The following ADK variants were observed in gnomAD, a reference collection of about 807,000 sequenced individuals.
ADK encodes N6,N6-dimethyladenosine kinase.
Under a neutral mutation model 44.7 loss-of-function variants are expected in ADK, and 24 were observed. That is an observed-to-expected ratio of 0.54 (90% CI 0.39 to 0.76). The LOEUF is 0.76. Ranked by LOEUF, ADK falls within the 30% of genes least tolerant of loss-of-function variation. The pLI is 0.00. For synonymous variants in ADK, 128 were observed against 142.6 expected (o/e 0.90, Z 0.73); for missense variants, 321 against 425.1 (o/e 0.76, Z 2.15).
chr10:74,646,265 G>A (rs1338140860), intron 9 of ADK, among the ~76,000 whole-genome samples: 1 of 152,130 alleles, frequency 6.6e-6, no homozygotes, highest in Non-Finnish European at 1.5e-5. Flanking sequence ...GTAGGAGAAT[G>A]GCAAGTTATG....
chr10:74,630,131 A>G (rs184345574), intron 9 of ADK, among the ~76,000 whole-genome samples: 11 of 152,148 alleles, frequency 7.2e-5, no homozygotes, highest in South Asian at 6.2e-4. Context: ...GATATTTTCC[A>G]TATATCCTTC....
intron 10 of ADK, among the ~76,000 whole-genome samples, chr10:74,691,790 GTAAA>G (rs994441018): frequency 1.3e-5 from 2 of 152,112 alleles, no homozygotes; most frequent in African/African-American, 2.4e-5. Context: ...TTTCTTTTAA[GTAAA>G]TACTAAGAAT....
chr10:74,479,799 A>G (rs1227165660), intron 6 of ADK, among the ~76,000 whole-genome samples: 1 of 152,052 alleles, frequency 6.6e-6, no homozygotes, highest in Non-Finnish European at 1.5e-5. Flanking sequence ...CTCACCTATT[A>G]TCTATACAAC....
Position 74,594,762 on chromosome 10 carries a change from A to G in ADK, c.762+5445A>G, listed in dbSNP as rs115875718. 5.3e-3 allele frequency among the ~76,000 whole-genome samples: 806 copies of G among 152,318 alleles called. 6 individuals are homozygous for G. The highest frequency in any genetic ancestry group is 0.018 in the African/African-American group (751 of 41,568). ...ACAATAAAACCATATTTCTACATTT[A>G]TAAAATGCTCACAGTTTATAAAACC... On this transcript the variant is annotated intron_variant, in intron 8 of 10. Transcript: ENST00000539909.
At chr10:74,315,308 T>C (rs1415910361) in intron 4 of ADK, among the ~76,000 whole-genome samples, 1 of 152,198 alleles carries the variant, frequency 6.6e-6, no homozygotes, top group Non-Finnish European at 1.5e-5. Flanking sequence ...CCTAAATATC[T>C]ATGTATAGAC....
At chr10:74,526,619 A>T (rs546548518) in intron 7 of ADK, among the ~76,000 whole-genome samples, 15 of 152,212 alleles carry the variant, frequency 9.9e-5, no homozygotes, top group Admixed American at 1.3e-4. Context: ...AGTTTACGAG[A>T]TCACCTGGGT....
chr10:74,272,324 C>A lies in ADK; in HGVS notation c.195-42343C>A, dbSNP rs114665504. On this transcript the variant is annotated intron_variant, in intron 3 of 10. Transcript: ENST00000539909. ...ACAGGGTCTCACTCTGTCATCTAGG[C>A]TGAGTGCAGTGGCATAATCATGGCT... 4.6e-3 allele frequency among the ~76,000 whole-genome samples: 704 copies of A among 151,938 alleles called. 3 individuals carry two copies. The highest frequency in any genetic ancestry group is 0.016 in the African/African-American group (655 of 41,408).
At chr10:74,454,685 T>C (rs1845882160) in intron 6 of ADK, among the ~76,000 whole-genome samples, 1 of 152,200 alleles carries the variant, frequency 6.6e-6, no homozygotes, top group Non-Finnish European at 1.5e-5. Context: ...AATTTAAGTG[T>C]AAGTTTTACA....
Position 74,505,487 on chromosome 10 carries a change from C to T in ADK, c.556-19769C>T, listed in dbSNP as rs921365257. Among the ~76,000 whole-genome samples, 13 of 150,776 alleles carry T rather than the reference C, an allele frequency of 8.6e-5. 1 individual carries two copies. The highest frequency in any genetic ancestry group is 1.2e-4 in the Non-Finnish European group (8 of 67,836). ...TTAGCTCTTGAATTACTCCAAGATC[C>T]GTATCTTGAAACTCTTCAACTTCCC... On this transcript the variant is annotated intron_variant, in intron 6 of 10. Transcript: ENST00000539909.
chr10:74,705,953 T>C (rs950926836), intron 10 of ADK, among the ~76,000 whole-genome samples: 1 of 152,260 alleles, frequency 6.6e-6, no homozygotes, highest in African/African-American at 2.4e-5. Flanking sequence ...TAAATACTTT[T>C]GCCTACTTTG....
chr10:74,237,401 T>C (rs1845010560), intron 3 of ADK, among the ~76,000 whole-genome samples: 1 of 152,190 alleles, frequency 6.6e-6, no homozygotes, highest in Non-Finnish European at 1.5e-5. Flanking sequence ...TCTAGTTCTC[T>C]TGCTATTTCT....
At chr10:74,385,737 C>T (rs550171984) in intron 4 of ADK, among the ~76,000 whole-genome samples, 3 of 152,228 alleles carry the variant, frequency 2.0e-5, no homozygotes, top group South Asian at 4.1e-4. Context: ...CACAATAATT[C>T]CACAAGAAAC....
intron 9 of ADK, among the ~76,000 whole-genome samples, chr10:74,650,042 A>T (rs891119193): frequency 1.9e-4 from 29 of 152,162 alleles, no homozygotes; most frequent in African/African-American, 5.1e-4. Context: ...TTCCCCTCAG[A>T]TCCTAGATTT....
At chr10:74,551,387 A>G (rs958491734) in intron 7 of ADK, 6 of 152,606 alleles carry the variant, frequency 3.9e-5, no homozygotes, top group Admixed American at 2.0e-4. Flanking sequence ...AATAAAGAAA[A>G]TATAGTCTGG....
chr10:74,367,056 A>G (rs1842519793), intron 4 of ADK, among the ~76,000 whole-genome samples: 1 of 152,174 alleles, frequency 6.6e-6, no homozygotes. Flanking sequence ...TTTTCTTCTT[A>G]TGTTCTGTAG....
intron 10 of ADK, among the ~76,000 whole-genome samples, chr10:74,678,183 ATAG>A (rs1855474941): frequency 6.6e-6 from 1 of 151,552 alleles, no homozygotes; most frequent in Non-Finnish European, 1.5e-5. Context: ...TTCACCACAG[ATAG>A]TAGTTCAGGT....
intron 9 of ADK, among the ~76,000 whole-genome samples, chr10:74,606,522 A>G (rs1290060946): frequency 6.6e-6 from 1 of 152,164 alleles, no homozygotes; most frequent in Non-Finnish European, 1.5e-5. Flanking sequence ...CAGATTGTTC[A>G]GTTTCCATGC....
chr10:74,184,635 G>A (rs775296717), intron 1 of ADK, among the ~76,000 whole-genome samples: 24 of 151,764 alleles, frequency 1.6e-4, no homozygotes, highest in Non-Finnish European at 2.9e-4. Context: ...TGATCCTCCC[G>A]CCTCAGCCAC....
chr10:74,377,859 G>A (rs1313224362), intron 4 of ADK, among the ~76,000 whole-genome samples: 1 of 152,082 alleles, frequency 6.6e-6, no homozygotes, highest in Non-Finnish European at 1.5e-5. Flanking sequence ...AGTTTTTCTG[G>A]GGCCTCCTTA....
Sources: gnomAD v4.1 joint callset for allele counts (sites outside exome capture counted in the v4.1 genomes callset) on GRCh38, gnomAD v4.1.1 for gene constraint, MANE v1.5 for transcripts, NCBI Gene and HGNC (gene_info 2026-07-23, HGNC 2026-07-21) for gene names.